The following TTLL5 variants were observed in gnomAD, a reference collection of about 807,000 sequenced individuals.
The protein encoded by TTLL5 is tubulin polyglutamylase TTLL5.
Under a neutral mutation model 168.4 loss-of-function variants are expected in TTLL5, and 132 were observed. The observed-to-expected ratio is 0.78, with a 90% CI of 0.68 to 0.91. TTLL5 has a LOEUF of 0.91. Among genes scored for constraint, TTLL5 ranks in the 40% least tolerant of loss-of-function variants. TTLL5 has a pLI of 0.00. For synonymous variants in TTLL5, 546 were observed against 558.6 expected, an observed-to-expected ratio of 0.98 and a Z score of 0.32; for missense variants, 1,545 against 1,581.5, an observed-to-expected ratio of 0.98 and a Z score of 0.39.
intron 12 of TTLL5, among the ~76,000 whole-genome samples, chr14:75,723,099 T>G (rs1887946926): frequency 6.6e-6 from 1 of 152,078 alleles, no homozygotes; most frequent in African/African-American, 2.4e-5. Context: ...TCTCCGTCAG[T>G]TTTGCCCCCA....
chr14:75,775,239 A>G (rs925103166), intron 21 of TTLL5, among the ~76,000 whole-genome samples: 5 of 152,166 alleles, frequency 3.3e-5, no homozygotes, highest in African/African-American at 1.2e-4. Context: ...ATAGTTATTT[A>G]CATACATACT....
At chr14:75,804,427 G>A (rs900920938) in intron 27 of TTLL5, among the ~76,000 whole-genome samples, 1 of 152,300 alleles carries the variant, frequency 6.6e-6, no homozygotes, top group Non-Finnish European at 1.5e-5. Context: ...GAAGAGAGAC[G>A]GAGCTAAATC....
In TTLL5 at chr14:75,943,382, G is replaced by A. The variant is rs115514619; in HGVS notation, c.3824-11042G>A. On this transcript the variant is annotated intron_variant, in intron 31 of 31. Coordinates refer to ENST00000298832, the MANE Select transcript of TTLL5 (RefSeq NM_015072.5). ...CAACTAGAAATAAGCCCTCCCTCTC[G>A]TCCACCCTTCAGTCCCTCAGGCATT... Among the ~76,000 whole-genome samples the A allele has an allele frequency of 5.6e-3, 852 of 152,192 alleles. 13 individuals are homozygous for A. Among genetic ancestry groups the A allele is most frequent in the South Asian group, 0.027 (129 of 4,814 alleles).
chr14:75,897,178 T>G (rs2032703705), intron 30 of TTLL5, among the ~76,000 whole-genome samples: 1 of 32,854 alleles, frequency 3.0e-5, no homozygotes, highest in South Asian at 1.5e-3. Flanking sequence ...TTCTCAGACC[T>G]CAGAAAAATG....
chr14:75,928,271 G>A (rs2034142869), intron 31 of TTLL5, among the ~76,000 whole-genome samples: 1 of 148,062 alleles, frequency 6.8e-6, no homozygotes, highest in Admixed American at 6.8e-5. Context: ...TCAAACAGAA[G>A]AGTTTATGTC....
At chr14:75,811,369 G>A (rs369894437) in intron 27 of TTLL5, among the ~76,000 whole-genome samples, 5 of 151,682 alleles carry the variant, frequency 3.3e-5, no homozygotes, top group East Asian at 3.9e-4. Context: ...TCTATGACGC[G>A]AAGCTTTTGC....
intron 4 of TTLL5, 91 bp from the exon 5 acceptor site, chr14:75,683,459 A>G: frequency 9.2e-7 from 1 of 1,088,728 alleles, no homozygotes. Context: ...GTGGATGAAA[A>G]AATCACTGTG....
Position 75,764,747 on chromosome 14 carries a change from G to A in TTLL5, c.1683G>A (p.Leu561=), listed in dbSNP as rs1365509987. Residue 561 remains leucine, a synonymous_variant, in exon 19 of 32, where the codon TTG becomes TTA. Coordinates refer to ENST00000298832, the MANE Select transcript of TTLL5 (RefSeq NM_015072.5). The part of the protein sequence containing the change: ...VRKRRRRSSR[L]RAMRPKYPVI... ...AACGTAGACGACGGAGTAGCAGATT[G>A]AGGGCAATGAGGCCAAAATACCCAG... 3 of 1,614,050 alleles carry A rather than the reference G, an allele frequency of 1.9e-6. No individual in the cohort carries two copies. The highest frequency in any genetic ancestry group is 2.5e-6 in the Non-Finnish European group (3 of 1,180,012).
chr14:75,752,768 GTA>G, intron 17 of TTLL5, 123 bp from the exon 18 acceptor site: 4 of 717,250 alleles, frequency 5.6e-6, no homozygotes, highest in Non-Finnish European at 9.0e-6. Context: ...TTTAGAAACA[GTA>G]TGTTTCATTA....
At chr14:75,673,049 C>G (rs1216976991) in intron 3 of TTLL5, among the ~76,000 whole-genome samples, 3 of 151,980 alleles carry the variant, frequency 2.0e-5, no homozygotes, top group Non-Finnish European at 2.9e-5. Flanking sequence ...AGTGATCCTC[C>G]TGCCCCAGCC....
At chr14:75,773,954 AGAAAGAGAGAGAGAG>A (rs1566598140) in intron 21 of TTLL5, among the ~76,000 whole-genome samples, 14 of 39,758 alleles carry the variant, frequency 3.5e-4, no homozygotes, top group African/African-American at 1.0e-3. Flanking sequence ...AGAGAGAGAG[AGAAAGAGAGAGAGAG>A]AGAGAGAGAG....
At chr14:75,777,683 G>A (rs1169931971) in intron 23 of TTLL5, among the ~76,000 whole-genome samples, 1 of 152,174 alleles carries the variant, frequency 6.6e-6, no homozygotes, top group Non-Finnish European at 1.5e-5. Flanking sequence ...GGCTTCAACT[G>A]TCAAAGTCAC....
intron 6 of TTLL5, among the ~76,000 whole-genome samples, chr14:75,694,028 C>T (rs138336551): frequency 7.9e-5 from 12 of 152,306 alleles, no homozygotes; most frequent in Admixed American, 2.6e-4. Flanking sequence ...CTTTCTACTC[C>T]AGGTTCATTG....
Position 75,793,115 on chromosome 14 carries a change from G to T in TTLL5, c.3171+15G>T, listed in dbSNP as rs1892813157. 6.4e-7 allele frequency: 1 copy of T among 1,574,132 alleles called. No homozygotes were observed. The highest frequency in any genetic ancestry group is 8.6e-7 in the Non-Finnish European group (1 of 1,157,390). ...TCACCCAACAGGTACGGATGGTCTGGGGTGTCCAAGAGCTCTTTGGACCTG... is the reference window on the plus strand; with the variant it reads ...TCACCCAACAGGTACGGATGGTCTGTGGTGTCCAAGAGCTCTTTGGACCTG... On this transcript the variant is annotated intron_variant, in intron 27 of 31. Transcript: ENST00000298832.
At chr14:75,719,081 G>A (rs944137469) in intron 10 of TTLL5, among the ~76,000 whole-genome samples, 6 of 152,134 alleles carry the variant, frequency 3.9e-5, no homozygotes, top group Admixed American at 3.3e-4. Flanking sequence ...CAGATTGCGG[G>A]GCTCTTCCAA....
rs566565769 is a variant in TTLL5 at position 75,941,662 on chromosome 14, T to TGTAA, written c.3824-12762_3824-12761insGTAA. ...ATTTTCCAGATAGGAATTTTTTCTTTTTACTGTATTCTTTTTTTCTGAGAC... is the reference window on the plus strand; with the variant it reads ...ATTTTCCAGATAGGAATTTTTTCTTTGTAATTACTGTATTCTTTTTTTCTGAGAC... On this transcript the variant is annotated intron_variant, in intron 31 of 31. Coordinates refer to ENST00000298832, the MANE Select transcript of TTLL5 (RefSeq NM_015072.5). 4.5e-4 allele frequency among the ~76,000 whole-genome samples: 68 copies of TGTAA among 152,226 alleles called. 1 individual carries two copies. In the South Asian group the frequency reaches 8.9e-3, roughly 20 times the overall value.
At chr14:75,740,891 T>G (rs964618948) in intron 15 of TTLL5, among the ~76,000 whole-genome samples, 3 of 152,344 alleles carry the variant, frequency 2.0e-5, no homozygotes, top group Admixed American at 2.0e-4. Context: ...GGGAGATTTT[T>G]ATTCTTTGCA....
intron 28 of TTLL5, among the ~76,000 whole-genome samples, chr14:75,862,483 G>A (rs772137432): frequency 7.9e-5 from 12 of 152,138 alleles, no homozygotes; most frequent in Non-Finnish European, 1.3e-4. Flanking sequence ...CATCCTCAGC[G>A]ACCCTTGTTA....
intron 31 of TTLL5, among the ~76,000 whole-genome samples, chr14:75,937,673 A>G (rs1219445420): frequency 1.3e-5 from 2 of 152,208 alleles, no homozygotes; most frequent in Non-Finnish European, 2.9e-5. Flanking sequence ...CTCCAGGTTC[A>G]TCTGCGTTGT....
Sources: allele counts gnomAD v4.1 joint callset (sites outside exome capture counted in the v4.1 genomes callset), GRCh38; gene constraint gnomAD v4.1.1; transcripts MANE v1.5; gene names NCBI Gene and HGNC (gene_info 2026-07-23, HGNC 2026-07-21).